VWA2: variants seen among roughly 807,000 people sequenced by gnomAD.
VWA2 encodes von Willebrand factor A domain-containing protein 2.
VWA2 carries 73 observed loss-of-function variants against 70.4 expected under a neutral mutation model. That is an observed-to-expected ratio of 1.04 (90% CI 0.86 to 1.26). The LOEUF (loss-of-function observed/expected upper bound fraction) is 1.26. Ranked by LOEUF, VWA2 falls within the 50% of genes most tolerant of loss-of-function variation. VWA2 has a pLI of 0.00. For missense variants in VWA2, 1,011 were observed against 998.5 expected, an observed-to-expected ratio of 1.01 and a Z score of -0.17; for synonymous variants, 407 against 423.3, an observed-to-expected ratio of 0.96 and a Z score of 0.47.
intron 1 of VWA2, among the ~76,000 whole-genome samples, chr10:114,244,601 A>G (rs1417842670): frequency 6.6e-6 from 1 of 151,512 alleles, no homozygotes; most frequent in Non-Finnish European, 1.5e-5. Context: ...ACATGGTAGT[A>G]GCTGTTGATT....
chr10:114,281,861 C>A (rs2038153146), intron 8 of VWA2: 1 of 548,388 alleles, frequency 1.8e-6, no homozygotes, highest in African/African-American at 2.1e-5. Context: ...TGTCTGTGGT[C>A]ACACAGCCAA....
chr10:114,278,909 C>G (rs2037920645), intron 8 of VWA2, 58 bp downstream of exon 8: 41 of 1,603,938 alleles, frequency 2.6e-5, no homozygotes, highest in Non-Finnish European at 3.5e-5. Flanking sequence ...CACCCCTGAG[C>G]TGCGGGGAGG....
chr10:114,264,947 T>C (rs544078879), intron 5 of VWA2, among the ~76,000 whole-genome samples: 5 of 152,100 alleles, frequency 3.3e-5, no homozygotes, highest in Admixed American at 3.3e-4. Context: ...CTCGAACTCC[T>C]GACCTCAGGT....
intron 2 of VWA2, among the ~76,000 whole-genome samples, chr10:114,250,404 T>C (rs2037170577): frequency 6.6e-6 from 1 of 152,198 alleles, no homozygotes; most frequent in Admixed American, 6.5e-5. Flanking sequence ...AAGGAATTGA[T>C]GTGTCTGCAG....
intron 1 of VWA2, among the ~76,000 whole-genome samples, chr10:114,239,971 C>G (rs1477232248): frequency 6.6e-6 from 1 of 152,176 alleles, no homozygotes; most frequent in Admixed American, 6.5e-5. Flanking sequence ...CCCTGGCGGC[C>G]GCGGAAAGGG....
At chr10:114,273,519 C>T (rs1415843049) in intron 6 of VWA2, among the ~76,000 whole-genome samples, 1 of 152,158 alleles carries the variant, frequency 6.6e-6, no homozygotes, top group Non-Finnish European at 1.5e-5. Context: ...CCCCTTTACC[C>T]CATTTGTCTA....
intron 4 of VWA2, among the ~76,000 whole-genome samples, chr10:114,255,376 C>G (rs1444122458): frequency 6.6e-6 from 1 of 152,118 alleles, no homozygotes; most frequent in East Asian, 1.9e-4. Flanking sequence ...TTCTCTAGAT[C>G]TGGCCAAAGT....
At chr10:114,263,351 T>TC (rs2037486774) in intron 5 of VWA2, among the ~76,000 whole-genome samples, 1 of 145,668 alleles carries the variant, frequency 6.9e-6, no homozygotes, top group Non-Finnish European at 1.5e-5. Flanking sequence ...TTTTTTTTTT[T>TC]TGTGAGACGA....
At chr10:114,278,977 G>A in intron 8 of VWA2, 126 bp downstream of exon 8, 3 of 1,422,808 alleles carry the variant, frequency 2.1e-6, no homozygotes, top group South Asian at 1.3e-5. Flanking sequence ...AGACCTGGGA[G>A]GGAGCCAGGG....
chr10:114,267,845 A>G (rs1468558449), intron 5 of VWA2, among the ~76,000 whole-genome samples: 4 of 152,050 alleles, frequency 2.6e-5, no homozygotes, highest in Non-Finnish European at 5.9e-5. Flanking sequence ...TGAAATCTAG[A>G]TTTTCAGGCC....
intron 6 of VWA2, among the ~76,000 whole-genome samples, chr10:114,274,904 G>T (rs978908714): frequency 6.6e-6 from 1 of 152,180 alleles, no homozygotes. Flanking sequence ...AGAGTGAATA[G>T]TGGTGCCATC....
chr10:114,274,147 C>T (rs564139462), intron 6 of VWA2, among the ~76,000 whole-genome samples: 1 of 152,248 alleles, frequency 6.6e-6, no homozygotes, highest in East Asian at 1.9e-4. Context: ...CAGGGAGGGG[C>T]GGAAGCCCAG....
At chr10:114,257,091 C>T (rs2037347540) in intron 4 of VWA2, among the ~76,000 whole-genome samples, 1 of 152,000 alleles carries the variant, frequency 6.6e-6, no homozygotes, top group Non-Finnish European at 1.5e-5. Context: ...TAATGAGGGC[C>T]AGATTTTCTG....
intron 13 of VWA2, 126 bp downstream of exon 13, chr10:114,290,491 T>G (rs1219512808): frequency 7.3e-7 from 1 of 1,360,766 alleles, no homozygotes; most frequent in Admixed American, 2.2e-5. Context: ...ATTCAGTCGT[T>G]TACCCACGAA....
chr10:114,269,024 T>G (rs1393294810), intron 5 of VWA2, among the ~76,000 whole-genome samples: 2 of 100,270 alleles, frequency 2.0e-5, no homozygotes, highest in East Asian at 4.6e-4. Context: ...GCGGAGGGAT[T>G]TCTTCTCACT....
intron 1 of VWA2, among the ~76,000 whole-genome samples, chr10:114,248,462 T>A (rs139455123): frequency 7.9e-5 from 12 of 152,248 alleles, no homozygotes; most frequent in Middle Eastern, 3.4e-3. Context: ...GGGGTGCATT[T>A]GGGGGTGGAT....
intron 4 of VWA2, among the ~76,000 whole-genome samples, chr10:114,257,356 A>G (rs893419014): frequency 3.3e-5 from 5 of 152,236 alleles, no homozygotes; most frequent in Admixed American, 3.3e-4. Context: ...GAGGAATAAC[A>G]TAAAGAGAAG....
chr10:114,272,674 C>T, intron 5 of VWA2, 66 bp from the exon 6 acceptor site: 9 of 1,407,796 alleles, frequency 6.4e-6, no homozygotes, highest in Non-Finnish European at 7.6e-6. Flanking sequence ...ATTTCAGACT[C>T]TCATCCCAAC....
chr10:114,247,372 C>T (rs7075063), intron 1 of VWA2, among the ~76,000 whole-genome samples: 14,558 of 152,058 alleles, frequency 0.096, 807 homozygotes, highest in African/African-American at 0.15. Flanking sequence ...CATTTAGGGA[C>T]TTGCAACCTC....
Sources: allele counts gnomAD v4.1 joint callset (sites outside exome capture counted in the v4.1 genomes callset), GRCh38; gene constraint gnomAD v4.1.1; transcripts MANE v1.5; gene names NCBI Gene and HGNC (gene_info 2026-07-23, HGNC 2026-07-21).